Variants in KLF12 observed in about 807,000 individuals in gnomAD.
KLF12 encodes the protein Krueppel-like factor 12.
In KLF12, 9 loss-of-function variants were observed where a neutral mutation model predicts 37.8. The ratio of observed to expected loss-of-function variants is 0.24; its 90% confidence interval spans 0.14 to 0.42. KLF12 has a LOEUF of 0.42. Ranked by LOEUF, KLF12 falls within the 10% of genes least tolerant of loss-of-function variation. KLF12 has a pLI of 1.00. For missense variants in KLF12, 411 were observed against 516.0 expected, an observed-to-expected ratio of 0.80 and a Z score of 1.97; for synonymous variants, 208 against 202.1, an observed-to-expected ratio of 1.03 and a Z score of -0.25.
chr13:74,027,148 C>T (rs554015745), intron 1 of KLF12, among the ~76,000 whole-genome samples: 45 of 152,140 alleles, frequency 3.0e-4, no homozygotes, highest in Non-Finnish European at 5.7e-4. Flanking sequence ...ACCTAAAATA[C>T]GAATCAACTG....
At chr13:74,201,511 C>T in the KLF12 span, among the ~76,000 whole-genome samples, 1 of 152,146 alleles carries the variant, frequency 6.6e-6, no homozygotes, top group African/African-American at 2.4e-5. Flanking sequence ...TCCCAATAAG[C>T]TCTTCCCCAG....
At chr13:74,261,828 G>A in the KLF12 span, among the ~76,000 whole-genome samples, 156 of 152,336 alleles carry the variant, frequency 1.0e-3, no homozygotes, top group African/African-American at 3.4e-3. Context: ...ACAAACGTGT[G>A]TGTGGTAGTA....
chr13:74,241,907 C>A, the KLF12 span, among the ~76,000 whole-genome samples: 5 of 152,300 alleles, frequency 3.3e-5, no homozygotes, highest in East Asian at 7.7e-4. Flanking sequence ...CCGTCTTCTG[C>A]GTCGCTCACG....
chr13:73,915,182 C>A (rs962094572), intron 3 of KLF12, among the ~76,000 whole-genome samples: 4 of 152,164 alleles, frequency 2.6e-5, no homozygotes, highest in Non-Finnish European at 5.9e-5. Context: ...TCTTCTGTAG[C>A]CAAATCTTTT....
At chr13:74,215,922 C>T in the KLF12 span, among the ~76,000 whole-genome samples, 1 of 152,210 alleles carries the variant, frequency 6.6e-6, no homozygotes, top group Non-Finnish European at 1.5e-5. Context: ...GAATCTGGAG[C>T]ATTTTCTGCT....
chr13:74,234,650 A>T, the KLF12 span, among the ~76,000 whole-genome samples: 1 of 152,158 alleles, frequency 6.6e-6, no homozygotes, highest in Non-Finnish European at 1.5e-5. Flanking sequence ...AGGAAGGACA[A>T]GTTATTCATT....
rs1284937282 is a variant in KLF12, at chr13:73,693,464, T to C, written c.*2026A>G. On this transcript the variant is annotated 3_prime_UTR_variant, in exon 8 of 8. Coordinates refer to ENST00000377669, the MANE Select transcript of KLF12 (RefSeq NM_007249.5). Reference sequence around the variant, plus strand: ...CTGGCAGACAATATAGAGCACATATTTGTGAAGCCATAATTTGACCTGAAA... The same window carrying C: ...CTGGCAGACAATATAGAGCACATATCTGTGAAGCCATAATTTGACCTGAAA... 1 of 152,194 alleles carries C rather than the reference T, an allele frequency of 6.6e-6. No individual in the cohort carries two copies. The highest frequency in any genetic ancestry group is 2.4e-5 in the African/African-American group (1 of 41,452). The allele number at this position is 152,194 out of a possible 1,614,324, so 9.4% of individuals were successfully genotyped here. A position where few individuals can be genotyped will look rare whatever the true frequency, so the allele number is the denominator to read the frequency against.
chr13:74,249,925 A>G, the KLF12 span, among the ~76,000 whole-genome samples: 3 of 152,178 alleles, frequency 2.0e-5, no homozygotes. Context: ...TTTGATTTCA[A>G]GTTCTCTCTT....
At chr13:73,870,937 AATC>A (rs1415896727) in intron 3 of KLF12, among the ~76,000 whole-genome samples, 1 of 152,210 alleles carries the variant, frequency 6.6e-6, no homozygotes, top group African/African-American at 2.4e-5. Context: ...GGGGGGCAGG[AATC>A]AAATTTAACA....
chr13:73,887,140 G>C (rs1408527066), intron 3 of KLF12, among the ~76,000 whole-genome samples: 1 of 152,068 alleles, frequency 6.6e-6, no homozygotes, highest in Non-Finnish European at 1.5e-5. Context: ...AATAGAAATT[G>C]GTGATACATG....
chr13:74,251,489 T>C, the KLF12 span, among the ~76,000 whole-genome samples: 1 of 152,020 alleles, frequency 6.6e-6, no homozygotes, highest in African/African-American at 2.4e-5. Context: ...ATAGAATGGG[T>C]TTTTACTTTT....
At chr13:74,053,601 G>A (rs1419248775) in intron 1 of KLF12, among the ~76,000 whole-genome samples, 2 of 152,124 alleles carry the variant, frequency 1.3e-5, no homozygotes, top group Non-Finnish European at 2.9e-5. Flanking sequence ...GTCAGACCCT[G>A]AAACAGTTAA....
upstream of KLF12, among the ~76,000 whole-genome samples, chr13:74,135,614 C>T (rs1234951557): frequency 2.0e-5 from 3 of 151,292 alleles, no homozygotes; most frequent in Admixed American, 1.3e-4. Flanking sequence ...GGGCGCGCGG[C>T]GGACGGAGGC....
Position 73,692,753 on chromosome 13 carries a change from G to C in KLF12, c.*2737C>G, listed in dbSNP as rs1873889597. ...AAAGAAGTTTCAGTTCCTGAGGCTA[G>C]ACCAGGGACTCAATTCACTTAATTG... On this transcript the variant is annotated 3_prime_UTR_variant, in exon 8 of 8. Transcript: ENST00000377669. 6.6e-6 allele frequency: 1 copy of C among 152,654 alleles called. No individual in the cohort carries two copies. Among genetic ancestry groups the C allele is most frequent in the Non-Finnish European group, 1.5e-5 (1 of 68,048 alleles). 9.5% of individuals were successfully genotyped at this position (152,654 alleles called of 1,614,324 possible). A position where few individuals can be genotyped will look rare whatever the true frequency, so the allele number is the denominator to read the frequency against.
At chr13:74,163,266 A>G in the KLF12 span, among the ~76,000 whole-genome samples, 1 of 152,226 alleles carries the variant, frequency 6.6e-6, no homozygotes, top group Non-Finnish European at 1.5e-5. Context: ...AGTATATCAA[A>G]GAGATATCTG....
At chr13:73,966,591 T>C (rs757592437) in intron 2 of KLF12, among the ~76,000 whole-genome samples, 78 of 152,186 alleles carry the variant, frequency 5.1e-4, no homozygotes, top group Non-Finnish European at 1.0e-3. Flanking sequence ...CTGTGGCCTC[T>C]TGTAGCTCCA....
intron 6 of KLF12, among the ~76,000 whole-genome samples, chr13:73,758,307 C>T (rs1679451186): frequency 6.6e-6 from 1 of 152,146 alleles, no homozygotes; most frequent in Admixed American, 6.5e-5. Flanking sequence ...GTTTAAGCAG[C>T]TTTGCTAGAG....
At chr13:73,999,613 G>A (rs977029281) in intron 1 of KLF12, among the ~76,000 whole-genome samples, 6 of 151,882 alleles carry the variant, frequency 4.0e-5, no homozygotes, top group Non-Finnish European at 7.4e-5. Flanking sequence ...GGTGGCGGGC[G>A]CCTGTAGTCC....
At chr13:74,247,583 A>G in the KLF12 span, among the ~76,000 whole-genome samples, 5 of 152,336 alleles carry the variant, frequency 3.3e-5, no homozygotes, top group African/African-American at 1.2e-4. Flanking sequence ...TACCTATGAA[A>G]CCAAGGTGTA....
Sources: gnomAD v4.1 joint callset for allele counts (sites outside exome capture counted in the v4.1 genomes callset) on GRCh38, gnomAD v4.1.1 for gene constraint, MANE v1.5 for transcripts, NCBI Gene and HGNC (gene_info 2026-07-23, HGNC 2026-07-21) for gene names.